Variants in BMAL1 observed in about 807,000 individuals in gnomAD.
The protein encoded by BMAL1 is basic helix-loop-helix ARNT-like protein 1.
At chr11:13,288,443 T>C in the BMAL1 span, among the ~76,000 whole-genome samples, 31 of 146,692 alleles carry the variant, frequency 2.1e-4, no homozygotes, top group Admixed American at 1.9e-3. Flanking sequence ...TTTTTTGTGA[T>C]GGACACTGAG....
chr11:13,364,912 A>G, the BMAL1 span, among the ~76,000 whole-genome samples: 1 of 152,174 alleles, frequency 6.6e-6, no homozygotes, highest in Non-Finnish European at 1.5e-5. Context: ...TTAGAATCAC[A>G]TTAACGTGGA....
chr11:13,287,033 A>G, the BMAL1 span, among the ~76,000 whole-genome samples: 25 of 152,150 alleles, frequency 1.6e-4, no homozygotes, highest in Non-Finnish European at 2.2e-4. Flanking sequence ...TCCAAAGAAG[A>G]AAGGAACCTA....
At chr11:13,337,891 C>T in the BMAL1 span, among the ~76,000 whole-genome samples, 1 of 152,102 alleles carries the variant, frequency 6.6e-6, no homozygotes. Flanking sequence ...TGAACCCTGG[C>T]TTTCCTACTT....
the BMAL1 span, among the ~76,000 whole-genome samples, chr11:13,352,852 C>G: frequency 6.6e-6 from 1 of 152,218 alleles, no homozygotes; most frequent in African/African-American, 2.4e-5. Flanking sequence ...GTAGTGACAG[C>G]TCCAGTCCTA....
chr11:13,332,336 G>A, the BMAL1 span, among the ~76,000 whole-genome samples: 1 of 152,154 alleles, frequency 6.6e-6, no homozygotes, highest in Admixed American at 6.5e-5. Context: ...TACACAGAAT[G>A]TCCCCAAGGT....
chr11:13,363,496 C>T, the BMAL1 span, among the ~76,000 whole-genome samples: 1 of 152,116 alleles, frequency 6.6e-6, no homozygotes, highest in Non-Finnish European at 1.5e-5. Context: ...TCCAGGGTCC[C>T]AGTTCCAGGG....
the BMAL1 span, chr11:13,385,611 C>G: frequency 3.9e-6 from 4 of 1,024,706 alleles, no homozygotes; most frequent in Non-Finnish European, 6.0e-6. Flanking sequence ...CTCCCCACCC[C>G]ACCCCATGCT....
At chr11:13,378,241 C>A in the BMAL1 span, 1 of 1,426,266 alleles carries the variant, frequency 7.0e-7, no homozygotes, top group Admixed American at 3.0e-5. Context: ...TGTTGAACTG[C>A]AAATGGATCA....
chr11:13,372,167 T>C, the BMAL1 span: 3 of 1,613,654 alleles, frequency 1.9e-6, no homozygotes, highest in Non-Finnish European at 2.5e-6. Flanking sequence ...TTCTAGCAGA[T>C]CGAAAAAGCT....
At chr11:13,337,069 A>G in the BMAL1 span, among the ~76,000 whole-genome samples, 1 of 152,216 alleles carries the variant, frequency 6.6e-6, no homozygotes, top group Non-Finnish European at 1.5e-5. Flanking sequence ...AAAGATGAAA[A>G]TCACTACCCA....
At chr11:13,348,867 A>G in the BMAL1 span, among the ~76,000 whole-genome samples, 2 of 152,220 alleles carry the variant, frequency 1.3e-5, no homozygotes, top group Non-Finnish European at 1.5e-5. Flanking sequence ...ATAGCGATCG[A>G]GGCAAAGATA....
At chr11:13,294,486 G>A in the BMAL1 span, among the ~76,000 whole-genome samples, 8 of 152,140 alleles carry the variant, frequency 5.3e-5, no homozygotes, top group African/African-American at 9.7e-5. Context: ...GCCAAACCAC[G>A]AATTTTTGTT....
chr11:13,372,489 C>G, the BMAL1 span: 2 of 1,555,966 alleles, frequency 1.3e-6, no homozygotes, highest in Admixed American at 3.8e-5. Context: ...AAGACTGGGC[C>G]ATCAGCTGGC....
chr11:13,381,304 C>G, the BMAL1 span: 1 of 1,573,090 alleles, frequency 6.4e-7, no homozygotes, highest in African/African-American at 1.3e-5. Flanking sequence ...TGCCCAAGAT[C>G]TGAAATGTTG....
At chr11:13,366,641 A>G in the BMAL1 span, 5 of 1,580,280 alleles carry the variant, frequency 3.2e-6, no homozygotes, top group Non-Finnish European at 3.5e-6. Flanking sequence ...TTGACTTGTC[A>G]TGTTTAACAT....
the BMAL1 span, among the ~76,000 whole-genome samples, chr11:13,325,925 C>T: frequency 6.6e-6 from 1 of 151,492 alleles, no homozygotes; most frequent in Non-Finnish European, 1.5e-5. Context: ...GAACAAGGGG[C>T]CGGGGGCGGT....
chr11:13,366,852 G>A, the BMAL1 span: 1 of 1,268,788 alleles, frequency 7.9e-7, no homozygotes, highest in Non-Finnish European at 1.1e-6. Flanking sequence ...AGTGAGCAGA[G>A]GGCGGGTGTG....
the BMAL1 span, among the ~76,000 whole-genome samples, chr11:13,344,245 C>G: frequency 1.6e-4 from 25 of 152,194 alleles, no homozygotes; most frequent in African/African-American, 5.5e-4. Flanking sequence ...ATTTTTTCAT[C>G]TGTTTTGCTC....
the BMAL1 span, among the ~76,000 whole-genome samples, chr11:13,321,318 C>T: frequency 6.6e-6 from 1 of 152,148 alleles, no homozygotes; most frequent in South Asian, 2.1e-4. Flanking sequence ...TTGATGTTTA[C>T]TGCGTGACTC....
Sources: gnomAD v4.1 joint callset for allele counts (sites outside exome capture counted in the v4.1 genomes callset) on GRCh38, gnomAD v4.1.1 for gene constraint, MANE v1.5 for transcripts, NCBI Gene and HGNC (gene_info 2026-07-23, HGNC 2026-07-21) for gene names.